The following TMEM144 variants were observed in gnomAD, a reference collection of about 807,000 sequenced individuals.
TMEM144 encodes transmembrane protein 144.
TMEM144 carries 39 observed loss-of-function variants against 43.6 expected under a neutral mutation model. The observed-to-expected ratio is 0.90, with a 90% CI of 0.69 to 1.17. The LOEUF (loss-of-function observed/expected upper bound fraction) is 1.17, where lower values mean the gene tolerates loss of function less well. Among genes scored for constraint, TMEM144 ranks in the 50% most tolerant of loss-of-function variants. The pLI is 0.00. For synonymous variants in TMEM144, 154 were observed against 133.6 expected (o/e 1.15, Z -1.06); for missense variants, 417 against 411.9 (o/e 1.01, Z -0.11).
At chr4:158,221,537 T>C (rs1025375088) in intron 6 of TMEM144, among the ~76,000 whole-genome samples, 14 of 152,334 alleles carry the variant, frequency 9.2e-5, no homozygotes, top group African/African-American at 2.9e-4. Flanking sequence ...GTTAAACATT[T>C]GCTTTCTTGA....
chr4:158,217,498 T>A, intron 5 of TMEM144, 78 bp downstream of exon 5: 1 of 1,009,518 alleles, frequency 9.9e-7, no homozygotes, highest in Non-Finnish European at 1.6e-6. Context: ...CCGAGAGGAA[T>A]AACATATGAT....
At chr4:158,253,089 C>G (rs1736291559) in intron 12 of TMEM144, among the ~76,000 whole-genome samples, 1 of 152,214 alleles carries the variant, frequency 6.6e-6, no homozygotes, top group Non-Finnish European at 1.5e-5. Context: ...AAACCAGCAT[C>G]ATTAAGATTC....
At chr4:158,244,752 T>A (rs1234205911) in intron 12 of TMEM144, among the ~76,000 whole-genome samples, 1 of 152,172 alleles carries the variant, frequency 6.6e-6, no homozygotes, top group Non-Finnish European at 1.5e-5. Flanking sequence ...CTGCCTGTGG[T>A]GCCTAGGTCC....
chr4:158,249,589 T>A (rs1401811327), intron 12 of TMEM144, among the ~76,000 whole-genome samples: 6 of 152,186 alleles, frequency 3.9e-5, no homozygotes, highest in Admixed American at 2.6e-4. Flanking sequence ...GGGAAAAAAA[T>A]TTTTCATTCC....
chr4:158,223,080 A>C (rs1734584907), intron 6 of TMEM144, among the ~76,000 whole-genome samples: 1 of 152,158 alleles, frequency 6.6e-6, no homozygotes, highest in Admixed American at 6.5e-5. Context: ...GATCTAACTG[A>C]CTGGGACTCT....
chr4:158,221,265 C>T (rs1734494034), intron 6 of TMEM144, among the ~76,000 whole-genome samples: 1 of 152,106 alleles, frequency 6.6e-6, no homozygotes, highest in South Asian at 2.1e-4. Context: ...GGTTGTGTCA[C>T]CCATAACCCT....
intron 6 of TMEM144, among the ~76,000 whole-genome samples, chr4:158,220,548 G>A (rs1244413880): frequency 1.3e-5 from 2 of 152,144 alleles, no homozygotes; most frequent in African/African-American, 4.8e-5. Context: ...CACCTATGTG[G>A]CCATGGGCAA....
chr4:158,242,139 T>C (rs1735665332), intron 11 of TMEM144, among the ~76,000 whole-genome samples: 2 of 152,166 alleles, frequency 1.3e-5, no homozygotes, highest in South Asian at 4.1e-4. Flanking sequence ...GTGAAAGTGG[T>C]CACTGTGGCT....
At chr4:158,251,653 C>A in intron 12 of TMEM144, among the ~76,000 whole-genome samples, 1 of 152,190 alleles carries the variant, frequency 6.6e-6, no homozygotes, top group East Asian at 1.9e-4. Context: ...CATTAACATA[C>A]AAATCACACA....
chr4:158,237,759 G>T lies in TMEM144; in HGVS notation c.682+116G>T, dbSNP rs138671736. The T allele has an allele frequency of 3.4e-3, 2,504 of 725,806 alleles. 54 individuals are homozygous for T. The African/African-American group carries it at 0.04, about 12-fold the overall frequency. The allele number at this position is 725,806 out of a possible 1,614,324, so 45.0% of individuals were successfully genotyped here. On this transcript the variant is annotated intron_variant, in intron 9 of 12. Transcript: ENST00000296529. ...TCGATCTTTCTTTGTCCTTGTAAGT[G>T]GCGAATTAGAAAGGCATTGAACACC...
intron 5 of TMEM144, 96 bp downstream of exon 5, chr4:158,217,516 C>A: frequency 1.1e-6 from 1 of 885,496 alleles, no homozygotes; most frequent in Non-Finnish European, 1.8e-6. Context: ...GATTCTTATT[C>A]TCACAGAGTT....
chr4:158,242,342 T>C (rs1735673233), intron 11 of TMEM144, among the ~76,000 whole-genome samples: 1 of 152,056 alleles, frequency 6.6e-6, no homozygotes, highest in African/African-American at 2.4e-5. Flanking sequence ...TTTTAGTCAC[T>C]TTATCCAAGG....
intron 12 of TMEM144, among the ~76,000 whole-genome samples, chr4:158,251,341 C>A (rs1174388917): frequency 1.3e-5 from 2 of 152,142 alleles, no homozygotes; most frequent in Non-Finnish European, 2.9e-5. Flanking sequence ...AGAGCCAATG[C>A]CCTTAATCAG....
chr4:158,217,531 G>T, intron 5 of TMEM144, 111 bp downstream of exon 5: 1 of 775,624 alleles, frequency 1.3e-6, no homozygotes, highest in South Asian at 1.8e-5. Flanking sequence ...AGAGTTTATA[G>T]CTGGTAAAAC....
At position 158,253,587 on chromosome 4, in the gene TMEM144, A is replaced by C. The variant is rs2111161837; in HGVS notation, c.*60A>C. On this transcript the variant is annotated 3_prime_UTR_variant, in exon 13 of 13. Coordinates refer to ENST00000296529, the MANE Select transcript of TMEM144 (RefSeq NM_018342.5). ...AGAGAACGCGTCTATCGGACAGCGGAGAGATCATGCTGAGAAAAGAGTGCA... is the reference window on the plus strand; with the variant it reads ...AGAGAACGCGTCTATCGGACAGCGGCGAGATCATGCTGAGAAAAGAGTGCA... The C allele has an allele frequency of 7.2e-7, 1 of 1,382,544 alleles. No homozygotes were observed. The highest frequency in any genetic ancestry group is 1.2e-5 in the South Asian group (1 of 83,960). 85.6% of individuals were successfully genotyped at this position (1,382,544 alleles called of 1,614,324 possible).
chr4:158,213,240 G>T (rs764230681), intron 3 of TMEM144: 23 of 161,146 alleles, frequency 1.4e-4, no homozygotes, highest in Non-Finnish European at 2.3e-4. Context: ...GCAGACACAC[G>T]TACAATCTTC....
intron 12 of TMEM144, among the ~76,000 whole-genome samples, chr4:158,251,426 G>T (rs1233421713): frequency 1.3e-5 from 2 of 152,196 alleles, no homozygotes; most frequent in Non-Finnish European, 2.9e-5. Context: ...CTTTAAGTGG[G>T]GGGGATGAGA....
intron 12 of TMEM144, among the ~76,000 whole-genome samples, chr4:158,251,788 G>C (rs530459239): frequency 2.6e-5 from 4 of 152,248 alleles, no homozygotes; most frequent in African/African-American, 9.6e-5. Flanking sequence ...CTCGGCTAAA[G>C]AAATGATGAA....
At chr4:158,221,166 C>A (rs544856128) in intron 6 of TMEM144, among the ~76,000 whole-genome samples, 11 of 152,258 alleles carry the variant, frequency 7.2e-5, no homozygotes, top group Admixed American at 6.5e-5. Context: ...GTCTATCAGT[C>A]TGTATACAAA....
Sources: allele counts gnomAD v4.1 joint callset (sites outside exome capture counted in the v4.1 genomes callset), GRCh38; gene constraint gnomAD v4.1.1; transcripts MANE v1.5; gene names NCBI Gene and HGNC (gene_info 2026-07-23, HGNC 2026-07-21).